SYNE3: variants seen among roughly 807,000 people sequenced by gnomAD.
SYNE3 encodes spectrin repeat containing nuclear envelope family member 3.
A neutral mutation model predicts 111.2 loss-of-function variants in SYNE3; 100 were observed. The observed-to-expected ratio is 0.90, with a 90% CI of 0.77 to 1.06. The LOEUF (loss-of-function observed/expected upper bound fraction) is 1.06, where lower values mean the gene tolerates loss of function less well. Among genes scored for constraint, SYNE3 ranks in the 50% least tolerant of loss-of-function variants. The pLI is 0.00. For synonymous variants in SYNE3, 547 were observed against 533.9 expected, an observed-to-expected ratio of 1.02 and a Z score of -0.34; for missense variants, 1,160 against 1,240.3, an observed-to-expected ratio of 0.94 and a Z score of 0.97.
Position 95,485,809 on chromosome 14 carries a change from C to T in SYNE3, c.-14-9974G>A, listed in dbSNP as rs1889517443. Among the ~76,000 whole-genome samples the T allele has an allele frequency of 6.6e-6, 1 of 152,132 alleles. No individual in the cohort carries two copies. The highest frequency in any genetic ancestry group is 1.5e-5 in the Non-Finnish European group (1 of 68,006). On this transcript the variant is annotated intron_variant, in intron 1 of 17. Transcript: ENST00000682763. This position sits in a 1 kb window ranked among gnomAD's most constrained non-coding sequence, Gnocchi z 4.3. ...CCCACTGGACTATAAATATCTGTCC[C>T]CTCATCTCTCCTGCTCCTCACTTCA...
chr14:95,490,787 G>A (rs575828587), intron 1 of SYNE3, among the ~76,000 whole-genome samples: 2 of 152,382 alleles, frequency 1.3e-5, no homozygotes, highest in Admixed American at 6.5e-5. Flanking sequence ...CACCACATGG[G>A]CCAGGCCTGT....
Position 95,417,291 on chromosome 14 carries a change from A to T in SYNE3, c.*535T>A, listed in dbSNP as rs1019370111. On this transcript the variant is annotated 3_prime_UTR_variant, in exon 18 of 18. Coordinates refer to ENST00000682763, the MANE Select transcript of SYNE3 (RefSeq NM_152592.6). ...TTGTGGTTGTTAAAACTAGACAAGCATACTTGTTCTCATTACGCATAAAGC... is the reference window on the plus strand; with the variant it reads ...TTGTGGTTGTTAAAACTAGACAAGCTTACTTGTTCTCATTACGCATAAAGC... The T allele has an allele frequency of 6.0e-6, 1 of 165,364 alleles. No individual in the cohort carries two copies. The highest frequency in any genetic ancestry group is 1.3e-5 in the Non-Finnish European group (1 of 74,204). The allele number at this position is 165,364 out of a possible 1,614,324, so 10.2% of individuals were successfully genotyped here.
chr14:95,432,632 G>T (rs1885844622), intron 16 of SYNE3, among the ~76,000 whole-genome samples: 1 of 135,526 alleles, frequency 7.4e-6, no homozygotes. Flanking sequence ...TACTAGTTTT[G>T]CTATTATTAT....
chr14:95,443,098 T>G, intron 11 of SYNE3, 57 bp downstream of exon 11: 1 of 1,603,194 alleles, frequency 6.2e-7, no homozygotes, highest in Non-Finnish European at 8.5e-7. Context: ...CCCAGGCGTG[T>G]TGGATGACAG....
At position 95,413,488 on chromosome 14, in the gene SYNE3, G is replaced by A. The variant is rs1903486726; in HGVS notation, c.*4338C>T. 1 of 152,288 alleles carries A rather than the reference G, an allele frequency of 6.6e-6. No individual in the cohort carries two copies. Among genetic ancestry groups the A allele is most frequent in the South Asian group, 2.1e-4 (1 of 4,830 alleles). 9.4% of individuals were successfully genotyped at this position (152,288 alleles called of 1,614,324 possible). A position where few individuals can be genotyped will look rare whatever the true frequency, so the allele number is the denominator to read the frequency against. On this transcript the variant is annotated 3_prime_UTR_variant, in exon 18 of 18. Transcript: ENST00000682763. ...GATCCCCTCTTTACTCCCTAACTGT[G>A]GGCAGCCCCAGCCTCCCATCCCCTG...
At chr14:95,458,217 T>A (rs1342700394) in intron 4 of SYNE3, among the ~76,000 whole-genome samples, 1 of 152,200 alleles carries the variant, frequency 6.6e-6, no homozygotes, top group Non-Finnish European at 1.5e-5. Flanking sequence ...CAGGCCCAAG[T>A]CCAGTCCTTA....
intron 1 of SYNE3, among the ~76,000 whole-genome samples, chr14:95,492,438 G>T (rs1889893323): frequency 6.6e-6 from 1 of 152,210 alleles, no homozygotes; most frequent in Non-Finnish European, 1.5e-5. Flanking sequence ...CTGTGAAAAA[G>T]AATGAAGTGC....
chr14:95,407,489 T>G lies in SYNE3; in HGVS notation c.*10337A>C, dbSNP rs1903310139. On this transcript the variant is annotated 3_prime_UTR_variant, in exon 18 of 18. Transcript: ENST00000682763. ...CCCTGGATGGCGGGGAAGGCTCCAT[T>G]AGCTTTGGACTTGATATGAACCGAG... 6.6e-6 allele frequency: 1 copy of G among 152,082 alleles called. No individual in the cohort carries two copies. Among genetic ancestry groups the G allele is most frequent in the Non-Finnish European group, 1.5e-5 (1 of 68,022 alleles). 9.4% of individuals were successfully genotyped at this position (152,082 alleles called of 1,614,324 possible).
chr14:95,466,547 C>T (rs1000097405), intron 3 of SYNE3, among the ~76,000 whole-genome samples: 1 of 152,176 alleles, frequency 6.6e-6, no homozygotes, highest in Non-Finnish European at 1.5e-5. Context: ...CTTGGGGAGC[C>T]GTTTACCTCC....
At chr14:95,512,794 C>T (rs1890770589) in intron 1 of SYNE3, among the ~76,000 whole-genome samples, 1 of 149,814 alleles carries the variant, frequency 6.7e-6, no homozygotes, top group Admixed American at 6.6e-5. Context: ...GCAGGTGGAG[C>T]TTGCAGTGAT....
At chr14:95,471,065 C>T (rs61981457) in intron 2 of SYNE3, among the ~76,000 whole-genome samples, 43 of 151,772 alleles carry the variant, frequency 2.8e-4, no homozygotes, top group Non-Finnish European at 1.8e-4. Context: ...GCTAGCAACA[C>T]AATAAGTCCA....
intron 1 of SYNE3, among the ~76,000 whole-genome samples, chr14:95,491,747 C>T (rs1388588325): frequency 6.8e-6 from 1 of 147,116 alleles, no homozygotes; most frequent in African/African-American, 2.5e-5. Flanking sequence ...AAAATTAAAA[C>T]TTTTGTACTT....
At chr14:95,502,605 C>G (rs1239674224) in intron 1 of SYNE3, among the ~76,000 whole-genome samples, 1 of 152,112 alleles carries the variant, frequency 6.6e-6, no homozygotes, top group Non-Finnish European at 1.5e-5. Flanking sequence ...GCCCCGCAAG[C>G]CCACGTGCCA....
intron 7 of SYNE3, 53 bp from the exon 8 acceptor site, chr14:95,450,158 C>T (rs1595204562): frequency 6.5e-7 from 1 of 1,530,756 alleles, no homozygotes; most frequent in Non-Finnish European, 8.8e-7. Context: ...TGGGTTCAGT[C>T]CAGGGATGAG....
chr14:95,439,799 G>GAC lies in SYNE3; in HGVS notation c.2074-17_2074-16dup. 5 of 1,604,058 alleles carry GAC rather than the reference G, an allele frequency of 3.1e-6. No homozygotes were observed. Among genetic ancestry groups the GAC allele is most frequent in the Non-Finnish European group, 4.3e-6 (5 of 1,174,366 alleles). On this transcript the variant is annotated splice_polypyrimidine_tract_variant and intron_variant, in intron 12 of 17. Transcript: ENST00000682763. The stretch of plus-strand genomic sequence containing the variant: ...GCCACCAGCCTCTAAAGGACACACG[G>GAC]ACACACAGACACACACACGGTGAGG...
intron 1 of SYNE3, among the ~76,000 whole-genome samples, chr14:95,506,092 GGAGATAAA>G (rs1890517966): frequency 1.3e-5 from 2 of 152,176 alleles, no homozygotes; most frequent in South Asian, 2.1e-4. Flanking sequence ...AAAATGGAGG[GGAGATAAA>G]GAGATGAAGA....
At chr14:95,472,630 G>A (rs556527239) in intron 2 of SYNE3, among the ~76,000 whole-genome samples, 3 of 152,232 alleles carry the variant, frequency 2.0e-5, no homozygotes, top group Admixed American at 6.5e-5. Flanking sequence ...CACTCTCCCC[G>A]GAAGCAAGCT....
At chr14:95,437,461 C>T (rs942376977) in intron 14 of SYNE3, among the ~76,000 whole-genome samples, 3 of 152,180 alleles carry the variant, frequency 2.0e-5, no homozygotes, top group African/African-American at 7.2e-5. Flanking sequence ...AACTGGCACT[C>T]GAATTTCTCC....
chr14:95,482,151 G>T (rs1409520781), intron 1 of SYNE3, among the ~76,000 whole-genome samples: 1 of 152,164 alleles, frequency 6.6e-6, no homozygotes, highest in Non-Finnish European at 1.5e-5. Context: ...AAATTCTCTG[G>T]GGCCAGGCGT....
Sources: gnomAD v4.1 joint callset for allele counts (sites outside exome capture counted in the v4.1 genomes callset) on GRCh38, gnomAD v4.1.1 for gene constraint, Gnocchi (gnomAD v3.1) non-coding constraint, MANE v1.5 for transcripts, NCBI Gene and HGNC (gene_info 2026-07-23, HGNC 2026-07-21) for gene names.